The following RALGPS2 variants were observed in gnomAD, a reference collection of about 807,000 sequenced individuals.
RALGPS2 encodes ras-specific guanine nucleotide-releasing factor RalGPS2.
In RALGPS2, 43 loss-of-function variants were observed where a neutral mutation model predicts 86.8. The ratio of observed to expected loss-of-function variants is 0.50; its 90% CI spans 0.39 to 0.64. The LOEUF (loss-of-function observed/expected upper bound fraction) is 0.64, where lower values mean the gene tolerates loss of function less well. RALGPS2 is among the 30% of genes least tolerant of loss of function. RALGPS2 has a pLI of 0.00. For missense variants in RALGPS2, 536 were observed against 694.6 expected (o/e 0.77, Z 2.57); for synonymous variants, 243 against 231.3 (o/e 1.05, Z -0.46).
At chr1:178,798,170 T>C (rs1427586471) in intron 4 of RALGPS2, among the ~76,000 whole-genome samples, 1 of 152,218 alleles carries the variant, frequency 6.6e-6, no homozygotes. Flanking sequence ...AAAGACCTTG[T>C]GTTCTGCCAT....
chr1:178,768,582 T>C (rs964405588), intron 1 of RALGPS2, among the ~76,000 whole-genome samples: 6 of 152,140 alleles, frequency 3.9e-5, no homozygotes, highest in Non-Finnish European at 7.4e-5. Flanking sequence ...TTGATCCTTG[T>C]TTACTGGGAG....
chr1:178,725,334 T>C lies in RALGPS2; in HGVS notation c.-169T>C, dbSNP rs1018339273. On this transcript the variant is annotated 5_prime_UTR_variant, in exon 1 of 20. Transcript: ENST00000367635. Reference sequence around the variant, plus strand: ...GGTGACTGTTCGGGTCGACGAGTGCTACTCTAGGCGGCGGCGGCCGTGGCG... The same window carrying C: ...GGTGACTGTTCGGGTCGACGAGTGCCACTCTAGGCGGCGGCGGCCGTGGCG... The C allele has an allele frequency of 1.8e-4, 28 of 158,636 alleles. No homozygotes were observed. The highest frequency in any genetic ancestry group is 2.6e-4 in the Non-Finnish European group (19 of 73,600). The allele number at this position is 158,636 out of a possible 1,614,324, so 9.8% of individuals were successfully genotyped here. A position where few individuals can be genotyped will look rare whatever the true frequency, so the allele number is the denominator to read the frequency against.
intron 1 of RALGPS2, among the ~76,000 whole-genome samples, chr1:178,766,153 A>G (rs1158012071): frequency 6.6e-6 from 1 of 152,224 alleles, no homozygotes; most frequent in African/African-American, 2.4e-5. Flanking sequence ...CAGTAAAGAC[A>G]GGTGTAAGAA....
chr1:178,853,662 C>T lies in RALGPS2; in HGVS notation c.607+20112C>T, dbSNP rs1055428169. 20 of 1,612,376 alleles carry T rather than the reference C, an allele frequency of 1.2e-5. 1 individual carries two copies. Among genetic ancestry groups the T allele is most frequent in the Non-Finnish European group, 1.7e-5 (20 of 1,179,272 alleles). On this transcript the variant is annotated intron_variant, in intron 8 of 19. Coordinates refer to ENST00000367635, the MANE Select transcript of RALGPS2 (RefSeq NM_152663.5). ...GTTCTTTTCTGAATAACAGTCCAAC[C>T]CCCAGGGTCCAAACTGTTTTCACAC...
chr1:178,828,336 C>T (rs1293862480), intron 7 of RALGPS2, among the ~76,000 whole-genome samples: 2 of 152,176 alleles, frequency 1.3e-5, no homozygotes, highest in Non-Finnish European at 2.9e-5. Flanking sequence ...GCATAGCCTA[C>T]AATACACCTA....
intron 4 of RALGPS2, among the ~76,000 whole-genome samples, chr1:178,790,312 T>A (rs936141807): frequency 6.6e-6 from 1 of 152,172 alleles, no homozygotes; most frequent in Non-Finnish European, 1.5e-5. Context: ...CTGGCCAGTA[T>A]AAAAAGGCCT....
intron 4 of RALGPS2, 27 bp downstream of exon 4, chr1:178,785,634 T>C: frequency 6.5e-7 from 1 of 1,549,734 alleles, no homozygotes; most frequent in Non-Finnish European, 8.7e-7. Flanking sequence ...ATGTTCCTTT[T>C]AAATATAGAA....
chr1:178,788,841 C>CTTTCTTTCTTTCT lies in RALGPS2; in HGVS notation c.213+3241_213+3242insCTTTCTTTTCTTT, dbSNP rs1183666679. On this transcript the variant is annotated intron_variant, in intron 4 of 19. Coordinates refer to ENST00000367635, the MANE Select transcript of RALGPS2 (RefSeq NM_152663.5). ...TTCTTTTCTTTTGTTTTCTTTCTTTCTTTCTTTTCTTTTCTTTTCTTTTCT... is the reference window on the plus strand; with the variant it reads ...TTCTTTTCTTTTGTTTTCTTTCTTTCTTTCTTTCTTTCTTTTCTTTTCTTTTCTTTTCTTTTCT... Among the ~76,000 whole-genome samples, 255 of 132,480 alleles carry CTTTCTTTCTTTCT rather than the reference C, an allele frequency of 1.9e-3. 2 individuals carry two copies. The highest frequency in any genetic ancestry group is 3.2e-3 in the Admixed American group (40 of 12,526). The allele number at this position is 132,480 out of a possible 152,430, so 86.9% of individuals were successfully genotyped here.
chr1:178,787,312 T>C (rs905241687), intron 4 of RALGPS2, among the ~76,000 whole-genome samples: 1 of 152,206 alleles, frequency 6.6e-6, no homozygotes, highest in Non-Finnish European at 1.5e-5. Flanking sequence ...AAATATAGTA[T>C]AAGCCATTTA....
Position 178,835,174 on chromosome 1 carries a change from T to G in RALGPS2, c.607+1624T>G, listed in dbSNP as rs543469869. 4.6e-5 allele frequency among the ~76,000 whole-genome samples: 7 copies of G among 152,296 alleles called. 1 individual carries two copies. The South Asian group carries it at 1.4e-3, about 32-fold the overall frequency. ...AGGGAATTTTTCAAAAATAATACCT[T>G]CACAATTCAGAAGAATGTGTACTTT... On this transcript the variant is annotated intron_variant, in intron 8 of 19. Transcript: ENST00000367635.
intron 1 of RALGPS2, chr1:178,747,108 C>T: frequency 1.1e-6 from 1 of 903,792 alleles, no homozygotes. Flanking sequence ...TTCAGTAACA[C>T]TTGTTTAATG....
chr1:178,888,851 C>G (rs184526354), intron 13 of RALGPS2, among the ~76,000 whole-genome samples: 1 of 152,200 alleles, frequency 6.6e-6, no homozygotes, highest in East Asian at 1.9e-4. Flanking sequence ...GAATTTGAGT[C>G]TCTCAGAACC....
chr1:178,800,067 C>T (rs2102169349), intron 4 of RALGPS2, among the ~76,000 whole-genome samples: 1 of 152,210 alleles, frequency 6.6e-6, no homozygotes, highest in African/African-American at 2.4e-5. Flanking sequence ...AACACCACAC[C>T]AGAGGAATTA....
At chr1:178,771,766 A>T (rs541222461) in intron 1 of RALGPS2, among the ~76,000 whole-genome samples, 1 of 152,290 alleles carries the variant, frequency 6.6e-6, no homozygotes, top group African/African-American at 2.4e-5. Context: ...TTATGTTATA[A>T]TAATGATTAC....
intron 1 of RALGPS2, among the ~76,000 whole-genome samples, chr1:178,738,203 CTT>C (rs1051296802): frequency 8.6e-4 from 95 of 110,694 alleles, no homozygotes; most frequent in African/African-American, 2.7e-3. Flanking sequence ...AGATGGATAT[CTT>C]TTTTTTTTTT....
At chr1:178,823,975 G>T (rs1655628643) in intron 7 of RALGPS2, among the ~76,000 whole-genome samples, 1 of 152,190 alleles carries the variant, frequency 6.6e-6, no homozygotes, top group Non-Finnish European at 1.5e-5. Context: ...GAACCTCCAG[G>T]ATTCCCAAGT....
intron 1 of RALGPS2, among the ~76,000 whole-genome samples, chr1:178,742,997 C>G (rs1651117971): frequency 6.6e-6 from 1 of 152,182 alleles, no homozygotes; most frequent in South Asian, 2.1e-4. Context: ...GGGAGGATCA[C>G]TTATGGCCAG....
Position 178,852,798 on chromosome 1 carries a change from T to C in RALGPS2, c.607+19248T>C, listed in dbSNP as rs755571333. The C allele has an allele frequency of 3.7e-6, 6 of 1,613,802 alleles. No homozygotes were observed. The East Asian group carries it at 1.1e-4, about 30-fold the overall frequency. ...CCAGGCGCAGTCTATAGAATTCACTTTCAGGTTCCAGACGAAAGCTGCTGT... is the reference window on the plus strand; with the variant it reads ...CCAGGCGCAGTCTATAGAATTCACTCTCAGGTTCCAGACGAAAGCTGCTGT... On this transcript the variant is annotated intron_variant, in intron 8 of 19. Coordinates refer to ENST00000367635, the MANE Select transcript of RALGPS2 (RefSeq NM_152663.5).
chr1:178,900,338 A>G (rs1448340679), intron 17 of RALGPS2, among the ~76,000 whole-genome samples: 3 of 151,946 alleles, frequency 2.0e-5, no homozygotes, highest in Non-Finnish European at 4.4e-5. Context: ...GATCAACCTC[A>G]CTTACTATTT....
Sources: gnomAD v4.1 joint callset for allele counts (sites outside exome capture counted in the v4.1 genomes callset) on GRCh38, gnomAD v4.1.1 for gene constraint, MANE v1.5 for transcripts, NCBI Gene and HGNC (gene_info 2026-07-23, HGNC 2026-07-21) for gene names.